The following PRX variants were observed in gnomAD, a reference collection of about 807,000 sequenced individuals.
The protein encoded by PRX is periaxin.
A neutral mutation model predicts 29.6 loss-of-function variants in PRX; 24 were observed. The observed-to-expected ratio is 0.81, with a 90% CI of 0.59 to 1.14. The LOEUF is 1.14. PRX is among the 50% of genes most tolerant of loss of function. The pLI is 0.00. For missense variants in PRX, 1,838 were observed against 1,926.4 expected (o/e 0.95, Z 0.86); for synonymous variants, 772 against 831.7 (o/e 0.93, Z 1.24).
chr19:40,397,708 C>A lies in PRX; in HGVS notation c.644G>T (p.Arg215Met). Reference sequence around the variant, plus strand: ...CACCTCAGCCTCCACCTTGGCTTTCCTGGGGGGAGGAGCGGCGGCGGCCAG... The same window carrying A: ...CACCTCAGCCTCCACCTTGGCTTTCATGGGGGGAGGAGCGGCGGCGGCCAG... ...ARLAAAAPPP[R>M]KAKVEAEVAA... The change falls in exon 7 of 7, where the codon AGG (arginine) becomes ATG (methionine). Residue 215 changes from arginine (R) to methionine (M), a missense_variant. Physicochemically the swap from Arg to Met is moderately conservative, Grantham distance 91. Around this residue, in one of 3 missense-constraint regions of PRX, gnomAD observed 666 missense variants for 665.0 expected, o/e 1.00. Coordinates refer to ENST00000324001, the MANE Select transcript of PRX (RefSeq NM_181882.3). 2 of 1,562,232 alleles carry A rather than the reference C, an allele frequency of 1.3e-6. No individual in the cohort carries two copies. The highest frequency in any genetic ancestry group is 1.7e-6 in the Non-Finnish European group (2 of 1,158,164).
At chr19:40,411,250 C>T (rs1383621447) in intron 1 of PRX, among the ~76,000 whole-genome samples, 1 of 152,212 alleles carries the variant, frequency 6.6e-6, no homozygotes, top group Non-Finnish European at 1.5e-5. Context: ...CACACCCAGG[C>T]CAGGTGCCGG....
chr19:40,394,729 T>C lies in PRX; in HGVS notation c.3623A>G (p.Glu1208Gly). ...CACGGTGGGCATCTTAAAGACACCC[T>C]CACCCACCAGCAGCTCACCACCTGC... ...QVAGGELLVG[E>G]GVFKMPTVTV... The change falls in exon 7 of 7, where the codon GAG becomes GGG. Residue 1208 changes from glutamate (E) to glycine (G), a missense_variant. Transcript: ENST00000324001. This position sits in a 1 kb window ranked among gnomAD's most constrained non-coding sequence, Gnocchi z 5.8. 6.2e-7 allele frequency: 1 copy of C among 1,612,890 alleles called. No individual in the cohort carries two copies. Among genetic ancestry groups the C allele is most frequent in the South Asian group, 1.1e-5 (1 of 91,064 alleles).
At position 40,398,203 on chromosome 19, in the gene PRX, ACTT is replaced by A; in HGVS notation, c.382-236_382-234del. ...AGGAGTGTAGGGACGGGGACCCAAG[ACTT>A]CTAGATCCTGATCCGGGATTTTCCC... On this transcript the variant is annotated intron_variant, in intron 6 of 6. Transcript: ENST00000324001. The surrounding 1 kb of genome is among the most constrained non-coding windows in gnomAD (Gnocchi z 6.3). The A allele has an allele frequency of 7.1e-7, 1 of 1,418,388 alleles. No homozygotes were observed. Among genetic ancestry groups the A allele is most frequent in the Non-Finnish European group, 9.2e-7 (1 of 1,092,064 alleles). 87.9% of individuals were successfully genotyped at this position (1,418,388 alleles called of 1,614,324 possible). A position where few individuals can be genotyped will look rare whatever the true frequency, so the allele number is the denominator to read the frequency against.
In PRX at chr19:40,398,388, G is replaced by C. The variant is rs1229927063; in HGVS notation, c.381+232C>G. The C allele has an allele frequency of 6.9e-7, 1 of 1,450,822 alleles. No individual in the cohort carries two copies. Among genetic ancestry groups the C allele is most frequent in the East Asian group, 2.4e-5 (1 of 41,088 alleles). 89.9% of individuals were successfully genotyped at this position (1,450,822 alleles called of 1,614,324 possible). A position where few individuals can be genotyped will look rare whatever the true frequency, so the allele number is the denominator to read the frequency against. On this transcript the variant is annotated intron_variant, in intron 6 of 6. Transcript: ENST00000324001. This position sits in a 1 kb window ranked among gnomAD's most constrained non-coding sequence, Gnocchi z 6.3. ...CAGGACCCCTAGCAAGCCTGGATCC[G>C]ATGGTGGGGACGCCTCTCCGAGGTG... is the stretch of plus-strand genomic sequence containing the variant.
intron 4 of PRX, among the ~76,000 whole-genome samples, chr19:40,407,210 CCTT>C (rs2079535254): frequency 1.6e-5 from 2 of 123,752 alleles, no homozygotes; most frequent in Non-Finnish European, 3.3e-5. Context: ...CATTATATGC[CCTT>C]GTGTGTGTGT....
chr19:40,399,860 TTTC>T (rs1345397226), intron 5 of PRX, among the ~76,000 whole-genome samples: 1 of 62,228 alleles, frequency 1.6e-5, no homozygotes, highest in Non-Finnish European at 3.3e-5. Flanking sequence ...CCTTTCTTTC[TTTC>T]TTTCTTTCTT....
chr19:40,409,448 T>TTGC (rs1381201490), intron 1 of PRX, among the ~76,000 whole-genome samples: 46 of 134,796 alleles, frequency 3.4e-4, no homozygotes, highest in African/African-American at 1.1e-3. Flanking sequence ...TTATAAATAC[T>TTGC]TGCTATTATT....
chr19:40,399,893 T>TTC (rs779452990), intron 5 of PRX, among the ~76,000 whole-genome samples: 1,663 of 67,918 alleles, frequency 0.024, 27 homozygotes, highest in Non-Finnish European at 0.035. Flanking sequence ...CTTTCTTTCT[T>TTC]TCTTTCTTTC....
intron 4 of PRX, among the ~76,000 whole-genome samples, chr19:40,405,559 A>T (rs2079524902): frequency 6.6e-6 from 1 of 150,838 alleles, no homozygotes; most frequent in Non-Finnish European, 1.5e-5. Flanking sequence ...TGTAGGGAAC[A>T]GCATGACCAC....
rs1162446956 is a variant in PRX, at chr19:40,398,963, T to A, written c.185-147A>T. ...CCCCAGCGCAGGATTAAGTCGCAGT[T>A]ACGCTAGTCCCCGCCCCATGACCTT... On this transcript the variant is annotated intron_variant, in intron 5 of 6. Transcript: ENST00000324001. The surrounding 1 kb of genome is among the most constrained non-coding windows in gnomAD (Gnocchi z 6.3). The A allele has an allele frequency of 6.7e-7, 1 of 1,489,654 alleles. No homozygotes were observed. Among genetic ancestry groups the A allele is most frequent in the African/African-American group, 1.4e-5 (1 of 72,162 alleles). The allele number at this position is 1,489,654 out of a possible 1,614,324, so 92.3% of individuals were successfully genotyped here. A position where few individuals can be genotyped will look rare whatever the true frequency, so the allele number is the denominator to read the frequency against.
At position 40,394,386 on chromosome 19, in the gene PRX, C is replaced by T. The variant is rs1364542566; in HGVS notation, c.3966G>A (p.Glu1322=). The change falls in exon 7 of 7, where the codon GAG becomes GAA. Residue 1322 remains glutamate (E), a synonymous_variant. Coordinates refer to ENST00000324001, the MANE Select transcript of PRX (RefSeq NM_181882.3). This position sits in a 1 kb window ranked among gnomAD's most constrained non-coding sequence, Gnocchi z 5.8. ...GLVRAKEGAE[E]GEKAKSPKLR... Reference sequence around the variant, plus strand: ...GTTTGGGGCTCTTGGCCTTCTCACCCTCCTCGGCCCCCTCCTTGGCCCGCA... The same window carrying T: ...GTTTGGGGCTCTTGGCCTTCTCACCTTCCTCGGCCCCCTCCTTGGCCCGCA... The T allele has an allele frequency of 3.2e-5, 51 of 1,600,886 alleles. No individual in the cohort carries two copies. The highest frequency in any genetic ancestry group is 4.3e-5 in the Non-Finnish European group (51 of 1,173,706).
intron 4 of PRX, 69 bp from the exon 5 acceptor site, chr19:40,403,931 C>T: frequency 6.5e-7 from 1 of 1,540,806 alleles, no homozygotes; most frequent in African/African-American, 1.4e-5. Flanking sequence ...CGCCATTGCG[C>T]TCAACAGTGG....
intron 4 of PRX, 101 bp downstream of exon 4, chr19:40,407,805 G>A: frequency 6.6e-7 from 1 of 1,508,200 alleles, no homozygotes; most frequent in Non-Finnish European, 9.1e-7. Context: ...CACAGATGGA[G>A]AGAATGAGGC....
rs778885203 is a variant in PRX at position 40,394,638 on chromosome 19, T to G, written c.3714A>C (p.Thr1238=). ...ACTTCAGCCTCAGCCCACCCTCGCC[T>G]GTGGCCGCCTCGCCCGCCTGTGCCT... The part of the protein sequence containing the change: ...SREAQAGEAA[T]GEGGLRLKLP... The change falls in exon 7 of 7, where the codon ACA becomes ACC. Residue 1238 remains threonine (T), a synonymous_variant. Coordinates refer to ENST00000324001, the MANE Select transcript of PRX (RefSeq NM_181882.3). This position sits in a 1 kb window ranked among gnomAD's most constrained non-coding sequence, Gnocchi z 5.8. 2 of 1,607,366 alleles carry G rather than the reference T, an allele frequency of 1.2e-6. No homozygotes were observed. Among genetic ancestry groups the G allele is most frequent in the Admixed American group, 1.7e-5 (1 of 59,980 alleles).
At chr19:40,405,669 C>T (rs551077321) in intron 4 of PRX, among the ~76,000 whole-genome samples, 8 of 130,312 alleles carry the variant, frequency 6.1e-5, no homozygotes, top group African/African-American at 2.0e-4. Flanking sequence ...GGCGGAGTCT[C>T]GCTCTGTCAC....
rs536876712 is a variant in PRX, at chr19:40,395,384, C to G, written c.2968G>C (p.Asp990His). 10 of 1,613,800 alleles carry G rather than the reference C, an allele frequency of 6.2e-6. No homozygotes were observed. Among genetic ancestry groups the G allele is most frequent in the Admixed American group, 1.7e-5 (1 of 60,014 alleles). The change falls in exon 7 of 7, where the codon GAT becomes CAT. Residue 990 changes from aspartate to histidine, a missense_variant. Physicochemically the swap from Asp to His is moderately conservative, Grantham distance 81. This residue lies in a region of PRX where 1,143 missense variants were observed against 1,193.0 expected (regional missense o/e 0.96). Coordinates refer to ENST00000324001, the MANE Select transcript of PRX (RefSeq NM_181882.3). ...AGEAGLLPALDLSIPQLSLDA... is the reference protein window; with the variant it reads ...AGEAGLLPALHLSIPQLSLDA... ...AGGCTGAGCTGTGGGATGGACAGATCGAGGGCAGGCAGCAGGCCTGCCTCC... is the reference window on the plus strand; with the variant it reads ...AGGCTGAGCTGTGGGATGGACAGATGGAGGGCAGGCAGCAGGCCTGCCTCC...
chr19:40,397,203 C>G lies in PRX; in HGVS notation c.1149G>C (p.Glu383Asp). 8.1e-6 allele frequency: 13 copies of G among 1,613,984 alleles called. No individual in the cohort carries two copies. Among genetic ancestry groups the G allele is most frequent in the Non-Finnish European group, 1.0e-5 (12 of 1,180,026 alleles). The change falls in exon 7 of 7, where the codon GAG (glutamate) becomes GAC (aspartate). Residue 383 changes from glutamate to aspartate, a missense_variant. By Grantham distance (45) the Glu-to-Asp change is conservative. Coordinates refer to ENST00000324001, the MANE Select transcript of PRX (RefSeq NM_181882.3). Reference sequence around the variant, plus strand: ...GAAGTCTGGGACCTTTCACCCTGGCCTCAGGGCTGACCTTGGCTACCTTGG... The same window carrying G: ...GAAGTCTGGGACCTTTCACCCTGGCGTCAGGGCTGACCTTGGCTACCTTGG... Reference protein sequence around the residue: ...AEAKVAKVSPEARVKGPRLRM... With the variant: ...AEAKVAKVSPDARVKGPRLRM...
chr19:40,395,460 G>C lies in PRX; in HGVS notation c.2892C>G (p.Ile964Met), dbSNP rs758668778. 2.5e-6 allele frequency: 4 copies of C among 1,613,988 alleles called. No individual in the cohort carries two copies. The Admixed American group carries it at 6.7e-5, about 27-fold the overall frequency. Residue 964 changes from isoleucine to methionine, a missense_variant, in exon 7 of 7, where the codon ATC (isoleucine) becomes ATG (methionine). Coordinates refer to ENST00000324001, the MANE Select transcript of PRX (RefSeq NM_181882.3). ...ATKLKVSKFAISLPKARVGAE... is the reference protein window; with the variant it reads ...ATKLKVSKFAMSLPKARVGAE... ...CCCCCACCCGAGCCTTGGGGAGTGA[G>C]ATGGCAAATTTGGATACCTTCAGCT...
At chr19:40,399,853 T>TTCTTTCTA (rs1555801719) in intron 5 of PRX, among the ~76,000 whole-genome samples, 2 of 60,546 alleles carry the variant, frequency 3.3e-5, no homozygotes, top group Non-Finnish European at 6.1e-5. Context: ...TTTCTTTCCT[T>TTCTTTCTA]TCTTTCTTTC....
Sources: gnomAD v4.1 joint callset for allele counts (sites outside exome capture counted in the v4.1 genomes callset) on GRCh38, gnomAD v4.1.1 for gene constraint, gnomAD v4.1.1 regional missense constraint, Gnocchi (gnomAD v3.1) non-coding constraint, MANE v1.5 for transcripts, NCBI Gene and HGNC (gene_info 2026-07-23, HGNC 2026-07-21) for gene names.